Variants in ATAD1 observed in about 807,000 individuals in gnomAD.
ATAD1 encodes outer mitochondrial transmembrane helix translocase.
A neutral mutation model predicts 42.7 loss-of-function variants in ATAD1; 18 were observed. The ratio of observed to expected loss-of-function variants is 0.42; its 90% CI spans 0.29 to 0.63. ATAD1 has a LOEUF of 0.63. Among genes scored for constraint, ATAD1 ranks in the 20% least tolerant of loss-of-function variants. ATAD1 has a pLI of 0.19. For missense variants in ATAD1, 294 were observed against 440.4 expected, an observed-to-expected ratio of 0.67 and a Z score of 2.98; for synonymous variants, 132 against 143.1, an observed-to-expected ratio of 0.92 and a Z score of 0.55.
At chr10:87,833,722 CTTT>C (rs1857877921) in intron 1 of ATAD1, among the ~76,000 whole-genome samples, 3 of 109,814 alleles carry the variant, frequency 2.7e-5, no homozygotes, top group Non-Finnish European at 3.8e-5. Context: ...CTCTTTCTTT[CTTT>C]CCTTTTTTTT....
intron 1 of ATAD1, among the ~76,000 whole-genome samples, chr10:87,817,329 G>A (rs1457447303): frequency 1.3e-5 from 2 of 152,106 alleles, no homozygotes; most frequent in African/African-American, 2.4e-5. Flanking sequence ...ATAAACATTA[G>A]GTTCAACAAA....
chr10:87,825,370 C>T (rs1048476486), intron 1 of ATAD1, among the ~76,000 whole-genome samples: 4 of 142,998 alleles, frequency 2.8e-5, no homozygotes, highest in Non-Finnish European at 4.5e-5. Context: ...AGTGCAGTGG[C>T]GCAATCTCGG....
At chr10:87,794,563 G>T (rs1301969387) in intron 2 of ATAD1, among the ~76,000 whole-genome samples, 1 of 152,176 alleles carries the variant, frequency 6.6e-6, no homozygotes, top group African/African-American at 2.4e-5. Flanking sequence ...ACACTTGGGG[G>T]TAGGGTGATA....
intron 1 of ATAD1, among the ~76,000 whole-genome samples, chr10:87,840,413 A>G (rs979885373): frequency 2.0e-5 from 3 of 152,192 alleles, no homozygotes; most frequent in African/African-American, 7.2e-5. Flanking sequence ...TGAGCCCAGG[A>G]GGTTGAGGCT....
intron 2 of ATAD1, among the ~76,000 whole-genome samples, chr10:87,800,659 T>G (rs1402937952): frequency 6.6e-6 from 1 of 152,208 alleles, no homozygotes; most frequent in Admixed American, 6.5e-5. Flanking sequence ...TATCTTTCTA[T>G]ATGTTCAAAG....
chr10:87,835,604 T>G (rs59084653), intron 1 of ATAD1, among the ~76,000 whole-genome samples: 2,514 of 152,280 alleles, frequency 0.017, 88 homozygotes, highest in African/African-American at 0.058. Context: ...GCGTACATTT[T>G]ACCAACCTGT....
intron 8 of ATAD1, among the ~76,000 whole-genome samples, chr10:87,760,173 T>C (rs529895724): frequency 6.6e-6 from 1 of 152,236 alleles, no homozygotes; most frequent in South Asian, 2.1e-4. Context: ...CTGGGGCAAA[T>C]GATGAGACCC....
upstream of ATAD1, among the ~76,000 whole-genome samples, chr10:87,820,928 G>T (rs1206671535): frequency 1.3e-5 from 2 of 152,154 alleles, no homozygotes; most frequent in Non-Finnish European, 2.9e-5. Flanking sequence ...TTGGCCCACA[G>T]TAGGGGCTCA....
chr10:87,766,970 A>G (rs1854782143), intron 8 of ATAD1, among the ~76,000 whole-genome samples: 1 of 152,178 alleles, frequency 6.6e-6, no homozygotes, highest in Non-Finnish European at 1.5e-5. Context: ...AACTTCTTAA[A>G]TTTAAATTTC....
chr10:87,798,465 T>A (rs549680826), intron 2 of ATAD1, among the ~76,000 whole-genome samples: 4 of 152,210 alleles, frequency 2.6e-5, no homozygotes, highest in African/African-American at 9.6e-5. Context: ...TACGTTCTCT[T>A]TCTGTGTCTT....
intron 3 of ATAD1, among the ~76,000 whole-genome samples, chr10:87,791,623 C>T (rs1256566335): frequency 1.3e-5 from 2 of 152,106 alleles, no homozygotes; most frequent in Non-Finnish European, 2.9e-5. Context: ...TCTGTATACA[C>T]AGATATTAAG....
intron 2 of ATAD1, among the ~76,000 whole-genome samples, chr10:87,801,361 A>G (rs918376301): frequency 6.6e-6 from 1 of 152,200 alleles, no homozygotes; most frequent in Admixed American, 6.5e-5. Context: ...ATTCTTTAAG[A>G]CATTAGGTTC....
chr10:87,800,156 ATTGGAC>A (rs1840808086), intron 2 of ATAD1, among the ~76,000 whole-genome samples: 1 of 151,952 alleles, frequency 6.6e-6, no homozygotes, highest in Admixed American at 6.6e-5. Context: ...TCTAGAGATG[ATTGGAC>A]TTGATGTAAA....
chr10:87,772,803 G>A (rs1294658429), intron 6 of ATAD1, among the ~76,000 whole-genome samples: 2 of 152,068 alleles, frequency 1.3e-5, no homozygotes, highest in Non-Finnish European at 2.9e-5. Context: ...AAATTCTAAG[G>A]AGTAATTTTA....
chr10:87,840,670 C>T (rs1385147092), intron 1 of ATAD1, among the ~76,000 whole-genome samples: 2 of 152,114 alleles, frequency 1.3e-5, no homozygotes, highest in Non-Finnish European at 2.9e-5. Context: ...TTTTTCACCC[C>T]TTCAGGGAAC....
In ATAD1 at chr10:87,811,247, C is replaced by T. The variant is rs1325731470; in HGVS notation, c.162+3191G>A. ...ACTCCGGAGGCTGAGGCAGGAGAAT[C>T]ACTTGAACCCGGAAGAAGCAGGGTA... On this transcript the variant is annotated intron_variant, in intron 2 of 9. Coordinates refer to ENST00000680024, the MANE Select transcript of ATAD1 (RefSeq NM_001321967.2). Among the ~76,000 whole-genome samples the T allele has an allele frequency of 9.2e-5, 14 of 152,142 alleles. No homozygotes were observed. In the East Asian group the frequency reaches 2.7e-3, roughly 29 times the overall value.
At chr10:87,775,240 G>C (rs1472412093) in intron 6 of ATAD1, among the ~76,000 whole-genome samples, 4 of 151,636 alleles carry the variant, frequency 2.6e-5, no homozygotes, top group Middle Eastern at 6.8e-3. Flanking sequence ...GGCCAACATA[G>C]TGAAACCCAG....
At chr10:87,782,104 T>C (rs1016343653) in intron 5 of ATAD1, among the ~76,000 whole-genome samples, 6 of 152,094 alleles carry the variant, frequency 3.9e-5, no homozygotes, top group Non-Finnish European at 7.4e-5. Context: ...CATACTTAAA[T>C]AGCAGAATGA....
intron 6 of ATAD1, among the ~76,000 whole-genome samples, chr10:87,774,907 T>G (rs930474737): frequency 6.6e-6 from 1 of 152,012 alleles, no homozygotes; most frequent in Non-Finnish European, 1.5e-5. Flanking sequence ...GAGAGCCATG[T>G]TCACGCCACT....
Sources: gnomAD v4.1 joint callset for allele counts (sites outside exome capture counted in the v4.1 genomes callset) on GRCh38, gnomAD v4.1.1 for gene constraint, MANE v1.5 for transcripts, NCBI Gene and HGNC (gene_info 2026-07-23, HGNC 2026-07-21) for gene names.